Variants in EPG5 observed in about 807,000 individuals in gnomAD.
EPG5 encodes ectopic P granules protein 5 homolog.
In EPG5, 159 loss-of-function variants were observed where a neutral mutation model predicts 302.7. The ratio of observed to expected loss-of-function variants is 0.53; its 90% CI spans 0.46 to 0.60. EPG5 has a LOEUF of 0.60. Ranked by LOEUF, EPG5 falls within the 20% of genes least tolerant of loss-of-function variation. The pLI is 0.00. For missense variants in EPG5, 2,896 were observed against 3,092.4 expected (o/e 0.94, Z 1.51); for synonymous variants, 1,158 against 1,136.8 (o/e 1.02, Z -0.37).
intron 6 of EPG5, 74 bp from the exon 7 acceptor site, chr18:45,946,842 C>T: frequency 8.6e-7 from 1 of 1,164,260 alleles, no homozygotes; most frequent in Non-Finnish European, 1.3e-6. Flanking sequence ...CTCTACTCAC[C>T]CTGAAGAAGA....
chr18:45,885,469 C>T (rs1462851639), intron 29 of EPG5, among the ~76,000 whole-genome samples: 1 of 152,140 alleles, frequency 6.6e-6, no homozygotes, highest in African/African-American at 2.4e-5. Context: ...CATGGTGCTG[C>T]ATTACGTCAG....
At chr18:45,936,610 C>T (rs56778275) in intron 10 of EPG5, among the ~76,000 whole-genome samples, 1 of 151,182 alleles carries the variant, frequency 6.6e-6, no homozygotes, top group Non-Finnish European at 1.5e-5. Context: ...CGCCTATAGT[C>T]TCAGCTACTC....
At chr18:45,868,716 T>A (rs994855892) in intron 36 of EPG5, among the ~76,000 whole-genome samples, 1 of 151,368 alleles carries the variant, frequency 6.6e-6, no homozygotes, top group Non-Finnish European at 1.5e-5. Context: ...TGTCTCCGTA[T>A]TATTAGTCTT....
chr18:45,845,254 G>A (rs531174534), downstream of EPG5, among the ~76,000 whole-genome samples: 1 of 152,298 alleles, frequency 6.6e-6, no homozygotes, highest in African/African-American at 2.4e-5. Flanking sequence ...TGGAAGAAGC[G>A]CCATTCCTCA....
the EPG5 span, among the ~76,000 whole-genome samples, chr18:45,805,552 C>T: frequency 6.6e-6 from 1 of 151,130 alleles, no homozygotes; most frequent in Admixed American, 6.6e-5. Flanking sequence ...GCAAAAATTT[C>T]CAATTAGCTA....
intron 10 of EPG5, among the ~76,000 whole-genome samples, chr18:45,935,465 C>T (rs1159484789): frequency 6.6e-6 from 1 of 152,150 alleles, no homozygotes; most frequent in African/African-American, 2.4e-5. Context: ...TCACTTGAAC[C>T]CAGGAGGTAG....
At chr18:45,804,955 G>A in the EPG5 span, among the ~76,000 whole-genome samples, 2 of 152,076 alleles carry the variant, frequency 1.3e-5, no homozygotes, top group African/African-American at 4.8e-5. Flanking sequence ...GCAGGTATAA[G>A]AGGACCTATA....
intron 14 of EPG5, among the ~76,000 whole-genome samples, chr18:45,925,195 G>A (rs1386180245): frequency 2.6e-5 from 4 of 152,220 alleles, no homozygotes; most frequent in Admixed American, 2.6e-4. Context: ...ATACAGCCAG[G>A]CACGGTGGCT....
Position 45,880,217 on chromosome 18 carries a change from G to C in EPG5, c.5525C>G (p.Ala1842Gly). Residue 1842 changes from alanine (A) to glycine (G), a missense_variant, in exon 32 of 44, where the codon GCG becomes GGG. Physicochemically the swap from Ala to Gly is moderately conservative, Grantham distance 60. Coordinates refer to ENST00000282041, the MANE Select transcript of EPG5 (RefSeq NM_020964.3). ...ACACTCGGGGCTCAGAAGCTGCTCC[G>C]CGGAGCCTGCCAGCAGGGACAGGAA... Reference protein sequence around the residue: ...DILRLLMQSSAEQLLSPECWK... With the variant: ...DILRLLMQSSGEQLLSPECWK... The C allele has an allele frequency of 1.3e-6, 2 of 1,594,484 alleles. No homozygotes were observed.
At chr18:45,937,045 G>C (rs569420135) in intron 10 of EPG5, among the ~76,000 whole-genome samples, 68 of 152,010 alleles carry the variant, frequency 4.5e-4, no homozygotes, top group Admixed American at 7.9e-4. Flanking sequence ...GGTCAGTTGG[G>C]CCAGGTTTCT....
intron 30 of EPG5, among the ~76,000 whole-genome samples, chr18:45,883,020 A>G (rs1228509639): frequency 6.6e-6 from 1 of 151,878 alleles, no homozygotes; most frequent in Non-Finnish European, 1.5e-5. Context: ...AACAAAAAAA[A>G]AAAAAAAAAA....
At chr18:45,841,725 G>C in the EPG5 span, among the ~76,000 whole-genome samples, 6 of 152,196 alleles carry the variant, frequency 3.9e-5, no homozygotes, top group East Asian at 1.2e-3. Context: ...AGAGTGGGGC[G>C]GGTGTGAGGG....
chr18:45,910,386 T>C lies in EPG5; in HGVS notation c.4205+135A>G, dbSNP rs530521842. ...AGAAACATTTCAAGATGCAAATCTATATCAAAGCCACCTTCCATATTCAAT... is the reference window on the plus strand; with the variant it reads ...AGAAACATTTCAAGATGCAAATCTACATCAAAGCCACCTTCCATATTCAAT... On this transcript the variant is annotated intron_variant, in intron 23 of 43. Transcript: ENST00000282041. 2.5e-5 allele frequency: 16 copies of C among 636,374 alleles called. No individual in the cohort carries two copies. The Admixed American group carries it at 4.4e-4, about 17-fold the overall frequency. 39.4% of individuals were successfully genotyped at this position (636,374 alleles called of 1,614,324 possible). A position where few individuals can be genotyped will look rare whatever the true frequency, so the allele number is the denominator to read the frequency against.
At chr18:45,833,943 A>G in the EPG5 span, among the ~76,000 whole-genome samples, 1 of 152,198 alleles carries the variant, frequency 6.6e-6, no homozygotes, top group African/African-American at 2.4e-5. Flanking sequence ...ATCCATGGCA[A>G]CATGACACAT....
intron 15 of EPG5, among the ~76,000 whole-genome samples, chr18:45,923,054 T>C (rs1174464147): frequency 1.3e-5 from 2 of 152,218 alleles, no homozygotes. Context: ...CCACTGCAGT[T>C]CAATTCAAAT....
rs1026912895 is a variant in EPG5, at chr18:45,917,884, A to G, written c.3099-65T>C. On this transcript the variant is annotated intron_variant, in intron 16 of 43. Coordinates refer to ENST00000282041, the MANE Select transcript of EPG5 (RefSeq NM_020964.3). ...TGGTTCATAAAATTCTGTTCTTCCA[A>G]TGAGTTATGAGCCTTCAATACCTTG... is the stretch of plus-strand genomic sequence containing the variant. 7.8e-5 allele frequency: 123 copies of G among 1,579,342 alleles called. No individual in the cohort carries two copies. In the African/African-American group the frequency reaches 1.1e-3, roughly 14 times the overall value.
chr18:45,916,037 A>G lies in EPG5; in HGVS notation c.3554T>C (p.Ile1185Thr). Residue 1185 changes from isoleucine to threonine, a missense_variant, in exon 19 of 44, where the codon ATA (isoleucine) becomes ACA (threonine). By Grantham distance (89) the Ile-to-Thr change is moderately conservative. Around this residue, in one of 5 missense-constraint regions of EPG5, gnomAD observed 1,390 missense variants for 1,430.0 expected, o/e 0.97. Coordinates refer to ENST00000282041, the MANE Select transcript of EPG5 (RefSeq NM_020964.3). ...ATGTTGTTGGTAGAGTAATTTCTGT[A>G]TGCAGTCTTCCTGCATCAGCTGAAA... ...AAFQLMQEDC[I>T]QKLLYQQHKN... 1 of 1,613,512 alleles carries G rather than the reference A, an allele frequency of 6.2e-7. No homozygotes were observed. Among genetic ancestry groups the G allele is most frequent in the South Asian group, 1.1e-5 (1 of 91,020 alleles).
At position 45,865,694 on chromosome 18, in the gene EPG5, T is replaced by C. The variant is rs1212415121; in HGVS notation, c.6687A>G (p.Gln2229=). The change falls in exon 39 of 44, where the codon CAA becomes CAG. Residue 2229 remains glutamine (Q), a synonymous_variant. Transcript: ENST00000282041. ...GGACTGCTAAGGTGATTTTTCCATT[T>C]TGTTCCAGGGTGCTGAGGAATTGAA... ...QMVQFLSTLE[Q]NGKITLAVLE... 2.5e-6 allele frequency: 4 copies of C among 1,614,026 alleles called. No homozygotes were observed. The highest frequency in any genetic ancestry group is 3.4e-6 in the Non-Finnish European group (4 of 1,180,010).
intron 1 of EPG5, among the ~76,000 whole-genome samples, chr18:45,958,436 T>C (rs939347779): frequency 3.3e-5 from 5 of 151,682 alleles, no homozygotes; most frequent in African/African-American, 9.7e-5. Flanking sequence ...TACTACAAAG[T>C]ACAGTAATAA....
Sources: allele counts gnomAD v4.1 joint callset (sites outside exome capture counted in the v4.1 genomes callset), GRCh38; gene constraint gnomAD v4.1.1; regional missense constraint gnomAD v4.1.1; transcripts MANE v1.5; gene names NCBI Gene and HGNC (gene_info 2026-07-23, HGNC 2026-07-21).